Variants in ZC3H12B observed in about 807,000 individuals in gnomAD.
ZC3H12B encodes the protein zinc finger CCCH-type containing 12B.
ZC3H12B carries 7 observed loss-of-function variants against 43.9 expected under a neutral mutation model. The observed-to-expected ratio is 0.16, with a 90% CI of 0.09 to 0.30. The LOEUF is 0.30. Among genes scored for constraint, ZC3H12B ranks in the 10% least tolerant of loss-of-function variants. The pLI is 1.00. For missense variants in ZC3H12B, 475 were observed against 670.2 expected (o/e 0.71, Z 3.22); for synonymous variants, 222 against 241.7 (o/e 0.92, Z 0.76).
chrX:65,240,046 G>A, the ZC3H12B span, among the ~76,000 whole-genome samples: 9 of 111,055 alleles, frequency 8.1e-5, no homozygotes, highest in Non-Finnish European at 1.9e-5. Context: ...TGATGATTAT[G>A]TGTCTTGGGG....
At chrX:65,444,790 C>T (rs2067354114) in intron 3 of ZC3H12B, among the ~76,000 whole-genome samples, 1 of 112,052 alleles carries the variant, frequency 8.9e-6, no homozygotes. Flanking sequence ...AATAAACTTT[C>T]TATGCTGATC....
the ZC3H12B span, among the ~76,000 whole-genome samples, chrX:65,314,343 C>T: frequency 9.0e-6 from 1 of 111,012 alleles, no homozygotes; most frequent in Non-Finnish European, 1.9e-5. Context: ...AAATCACACC[C>T]GGACACATTA....
At chrX:65,065,204 T>C in the ZC3H12B span, among the ~76,000 whole-genome samples, 1 of 110,777 alleles carries the variant, frequency 9.0e-6, no homozygotes, top group Non-Finnish European at 1.9e-5. Context: ...CTAGTTATTT[T>C]ACCCATTAAT....
At chrX:65,182,951 G>T in the ZC3H12B span, among the ~76,000 whole-genome samples, 1 of 111,772 alleles carries the variant, frequency 8.9e-6, no homozygotes, top group Non-Finnish European at 1.9e-5. Flanking sequence ...GAAAAAAAAG[G>T]CAACACTTAT....
At chrX:65,045,929 T>G in the ZC3H12B span, among the ~76,000 whole-genome samples, 1 of 111,639 alleles carries the variant, frequency 9.0e-6, no homozygotes, top group Non-Finnish European at 1.9e-5. Flanking sequence ...AGCTCTTGGG[T>G]GACTAGGTGT....
intron 3 of ZC3H12B, among the ~76,000 whole-genome samples, chrX:65,456,595 C>T (rs1433459783): frequency 4.1e-4 from 43 of 105,873 alleles, no homozygotes; most frequent in African/African-American, 1.4e-3. Flanking sequence ...CGCGCCGCCA[C>T]GCCTGACTGG....
the ZC3H12B span, among the ~76,000 whole-genome samples, chrX:65,102,970 G>A: frequency 9.0e-6 from 1 of 111,617 alleles, no homozygotes; most frequent in African/African-American, 3.3e-5. Context: ...GCAGATGGGG[G>A]CAGAGCAAGA....
the ZC3H12B span, among the ~76,000 whole-genome samples, chrX:65,244,177 G>T: frequency 9.0e-6 from 1 of 110,963 alleles, no homozygotes; most frequent in African/African-American, 3.3e-5. Context: ...AGCTATCCCA[G>T]TTACCCTGAT....
At chrX:65,179,298 C>T in the ZC3H12B span, among the ~76,000 whole-genome samples, 9,088 of 109,167 alleles carry the variant, frequency 0.083, 1,030 homozygotes, top group African/African-American at 0.29. Context: ...AGAAGAGATA[C>T]GTAATGTAGA....
chrX:65,391,909 G>T (rs769124990), intron 2 of ZC3H12B, among the ~76,000 whole-genome samples: 49 of 111,252 alleles, frequency 4.4e-4, no homozygotes, highest in Non-Finnish European at 6.4e-4. Flanking sequence ...GGGATTGCAG[G>T]TGCGCACCAC....
At chrX:65,248,649 T>C in the ZC3H12B span, among the ~76,000 whole-genome samples, 2 of 111,925 alleles carry the variant, frequency 1.8e-5, no homozygotes, top group East Asian at 5.6e-4. Flanking sequence ...CTTTAAGGAA[T>C]CTTCACGCTG....
the ZC3H12B span, among the ~76,000 whole-genome samples, chrX:65,234,849 C>G: frequency 9.0e-6 from 1 of 111,465 alleles, no homozygotes; most frequent in Non-Finnish European, 1.9e-5. Context: ...CTTTCTCCCC[C>G]CACCACTTCT....
At chrX:65,409,189 A>T (rs2066873231) in intron 3 of ZC3H12B, among the ~76,000 whole-genome samples, 1 of 111,658 alleles carries the variant, frequency 9.0e-6, no homozygotes, top group South Asian at 3.7e-4. Flanking sequence ...GTATGGTTAA[A>T]CTAAATCTTA....
At chrX:65,503,226 T>C in exon 5 of ZC3H12B, 1 of 1,096,828 alleles carries the variant, frequency 9.1e-7, no homozygotes, top group East Asian at 3.2e-5. Context: ...ATAGTACTTA[T>C]TTCTTTATAC....
At chrX:65,121,284 G>GT in the ZC3H12B span, among the ~76,000 whole-genome samples, 1 of 110,862 alleles carries the variant, frequency 9.0e-6, no homozygotes, top group Admixed American at 9.6e-5. Flanking sequence ...TGGTCCTGGA[G>GT]TTTTTTTGGT....
the ZC3H12B span, among the ~76,000 whole-genome samples, chrX:65,151,697 A>G: frequency 8.9e-6 from 1 of 111,736 alleles, no homozygotes; most frequent in Non-Finnish European, 1.9e-5. Flanking sequence ...ATTCCAATCA[A>G]TACAAAAAGA....
At chrX:65,307,257 G>C in the ZC3H12B span, among the ~76,000 whole-genome samples, 1 of 111,938 alleles carries the variant, frequency 8.9e-6, no homozygotes, top group Non-Finnish European at 1.9e-5. Context: ...ACAGTGTCTA[G>C]TATCCAGTCA....
chrX:65,410,148 C>A (rs2066887375), intron 3 of ZC3H12B, among the ~76,000 whole-genome samples: 1 of 106,971 alleles, frequency 9.3e-6, no homozygotes, highest in African/African-American at 3.4e-5. Context: ...AATAGAGAAC[C>A]CAGAAACAAA....
the ZC3H12B span, among the ~76,000 whole-genome samples, chrX:65,151,646 G>C: frequency 9.9e-5 from 11 of 111,036 alleles, no homozygotes; most frequent in African/African-American, 1.6e-4. Context: ...ATTTTCAACA[G>C]TGAATACAAA....
Sources: gnomAD v4.1 joint callset for allele counts (sites outside exome capture counted in the v4.1 genomes callset) on GRCh38, gnomAD v4.1.1 for gene constraint, MANE v1.5 for transcripts, NCBI Gene and HGNC (gene_info 2026-07-23, HGNC 2026-07-21) for gene names.